The following PCM1 variants were observed in gnomAD, a reference collection of about 807,000 sequenced individuals.
PCM1 encodes pericentriolar material 1 protein.
A neutral mutation model predicts 241.9 loss-of-function variants in PCM1; 157 were observed. The ratio of observed to expected loss-of-function variants is 0.65; its 90% CI spans 0.57 to 0.74. The LOEUF is 0.74. PCM1 is among the 30% of genes least tolerant of loss of function. The pLI is 0.00. For synonymous variants in PCM1, 1,085 were observed against 784.9 expected (o/e 1.38, Z -6.39); for missense variants, 3,478 against 2,360.1 (o/e 1.47, Z -9.81).
Position 17,953,032 on chromosome 8 carries a change from C to T in PCM1, c.1134C>T (p.Ser378=). 1 of 1,608,366 alleles carries T rather than the reference C, an allele frequency of 6.2e-7. No individual in the cohort carries two copies. The highest frequency in any genetic ancestry group is 8.5e-7 in the Non-Finnish European group (1 of 1,177,166). ...GTCTTTCATTAACTAGGGAGGTTTC[C>T]CAGAGCAGGAAACCATCAGCTTCAG... ...AESLSLTREV[S]QSRKPSASER... Residue 378 remains serine, a synonymous_variant, in exon 9 of 39, where the codon TCC becomes TCT. Coordinates refer to ENST00000325083, the MANE Select transcript of PCM1 (RefSeq NM_006197.4).
chr8:17,951,727 G>A (rs931702922), intron 8 of PCM1, among the ~76,000 whole-genome samples: 12 of 152,178 alleles, frequency 7.9e-5, no homozygotes, highest in African/African-American at 2.9e-4. Flanking sequence ...CTGATTCCAG[G>A]TTGGGGTTAC....
Position 17,966,200 on chromosome 8 carries a change from T to C in PCM1, c.3057T>C (p.Thr1019=). 6.2e-7 allele frequency: 1 copy of C among 1,613,678 alleles called. No homozygotes were observed. Among genetic ancestry groups the C allele is most frequent in the South Asian group, 1.1e-5 (1 of 91,020 alleles). The part of the protein sequence containing the change: ...QLDFSVSICQ[T]LMQDQQTLSC... ...ATTTTAGTGTCAGTATTTGTCAGAC[T>C]TTGATGCAAGACCAGCAGGTAAAAT... The change falls in exon 19 of 39, where the codon ACT becomes ACC. Residue 1019 remains threonine, a synonymous_variant. Transcript: ENST00000325083.
chr8:17,951,307 C>T lies in PCM1; in HGVS notation c.1071+583C>T, dbSNP rs576834520. ...TTGGAAGTGAGTATGATTGAAGATG[C>T]AGTGTCTCTTGTCTTCTTGCTGACC... On this transcript the variant is annotated intron_variant, in intron 8 of 38. Coordinates refer to ENST00000325083, the MANE Select transcript of PCM1 (RefSeq NM_006197.4). Among the ~76,000 whole-genome samples the T allele has an allele frequency of 1.3e-4, 20 of 152,276 alleles. No individual in the cohort carries two copies. In the East Asian group the frequency reaches 3.9e-3, roughly 29 times the overall value.
intron 36 of PCM1, among the ~76,000 whole-genome samples, chr8:18,022,740 G>C (rs1266907272): frequency 1.3e-5 from 2 of 152,134 alleles, no homozygotes; most frequent in African/African-American, 4.8e-5. Flanking sequence ...ACACCAATTA[G>C]GGAGACTGCT....
At chr8:17,936,310 G>A (rs1319425249) in intron 3 of PCM1, among the ~76,000 whole-genome samples, 1 of 152,048 alleles carries the variant, frequency 6.6e-6, no homozygotes, top group Admixed American at 6.6e-5. Flanking sequence ...CTCATAGATT[G>A]GGTGGAAGGA....
rs758551746 is a variant in PCM1 at position 17,937,123 on chromosome 8, C to A, written c.97-11C>A. On this transcript the variant is annotated splice_polypyrimidine_tract_variant and intron_variant, in intron 3 of 38. Transcript: ENST00000325083. ...CAGGCCATGTTAATTTTTGCTTTTACTTTTTTAAAGGATTGGGGTGCCCAA... is the reference window on the plus strand; with the variant it reads ...CAGGCCATGTTAATTTTTGCTTTTAATTTTTTAAAGGATTGGGGTGCCCAA... The A allele has an allele frequency of 2.0e-6, 3 of 1,534,290 alleles. 1 individual carries two copies. In the Middle Eastern group the frequency reaches 5.1e-4, roughly 263 times the overall value.
At chr8:17,941,805 A>G (rs1179223864) in intron 6 of PCM1, among the ~76,000 whole-genome samples, 1 of 152,168 alleles carries the variant, frequency 6.6e-6, no homozygotes, top group African/African-American at 2.4e-5. Flanking sequence ...CTAATAGGAA[A>G]TATAGCCAAA....
intron 30 of PCM1, among the ~76,000 whole-genome samples, chr8:18,008,246 C>T (rs556524577): frequency 6.6e-6 from 1 of 152,194 alleles, no homozygotes; most frequent in African/African-American, 2.4e-5. Flanking sequence ...ATTAGATTCT[C>T]ATAGGAGTGT....
intron 27 of PCM1, among the ~76,000 whole-genome samples, 152 bp from the exon 28 acceptor site, chr8:17,991,390 T>C (rs1285123938): frequency 6.6e-6 from 1 of 152,194 alleles, no homozygotes; most frequent in African/African-American, 2.4e-5. Flanking sequence ...TGTGACAATG[T>C]ATATGAAGTG....
Position 18,011,413 on chromosome 8 carries a change from G to A in PCM1, c.5350+47G>A, listed in dbSNP as rs755695008. 2.2e-5 allele frequency: 31 copies of A among 1,435,074 alleles called. No individual in the cohort carries two copies. The African/African-American group carries it at 4.3e-4, about 20-fold the overall frequency. 88.9% of individuals were successfully genotyped at this position (1,435,074 alleles called of 1,614,324 possible). On this transcript the variant is annotated intron_variant, in intron 33 of 38. Transcript: ENST00000325083. ...TATCTTTATACTTTAGTTTTTTGTA[G>A]GTCATTTATTGGAACAGTTTGGTGG... is the stretch of plus-strand genomic sequence containing the variant.
At position 18,025,585 on chromosome 8, in the gene PCM1, C is replaced by T; in HGVS notation, c.5976C>T (p.Asn1992=). ...RKKMVEEEQK[N]HLSGEICEMQ... ...AAATGGTAGAAGAAGAACAGAAAAA[C>T]CATTTATCTGGTGAAATATGTGAAA... is the stretch of plus-strand genomic sequence containing the variant. Residue 1992 remains asparagine, a synonymous_variant, in exon 38 of 39, where the codon AAC becomes AAT. Coordinates refer to ENST00000325083, the MANE Select transcript of PCM1 (RefSeq NM_006197.4). The T allele has an allele frequency of 1.9e-6, 3 of 1,584,832 alleles. No individual in the cohort carries two copies. The highest frequency in any genetic ancestry group is 2.6e-6 in the Non-Finnish European group (3 of 1,165,328).
At position 17,934,977 on chromosome 8, in the gene PCM1, A is replaced by G. The variant is rs1045049987; in HGVS notation, c.-22-612A>G. ...TTTAGAGAAAGCACTAATACAAATT[A>G]AACTAGGGTAGTAAGCATCACTATT... is the stretch of plus-strand genomic sequence containing the variant. On this transcript the variant is annotated intron_variant, in intron 2 of 38. Transcript: ENST00000325083. 1.4e-4 allele frequency: 22 copies of G among 152,204 alleles called. 1 individual carries two copies. Among genetic ancestry groups the G allele is most frequent in the Admixed American group, 1.4e-3 (22 of 15,280 alleles). The allele number at this position is 152,204 out of a possible 1,614,324, so 9.4% of individuals were successfully genotyped here. A position where few individuals can be genotyped will look rare whatever the true frequency, so the allele number is the denominator to read the frequency against.
rs746096781 is a variant in PCM1 at position 17,960,309 on chromosome 8, T to A, written c.2193-6T>A. The A allele has an allele frequency of 2.5e-6, 4 of 1,594,110 alleles. No individual in the cohort carries two copies. The South Asian group carries it at 4.6e-5, about 18-fold the overall frequency. ...GTCCATAAATATAATGTCAATTTAA[T>A]TGTAGAGAGAAATTTTATGAGGCTA... On this transcript the variant is annotated splice_region_variant and splice_polypyrimidine_tract_variant and intron_variant, in intron 14 of 38. Transcript: ENST00000325083.
rs368933043 is a variant in PCM1 at position 17,977,047 on chromosome 8, A to G, written c.3944-3544A>G. 1.2e-4 allele frequency among the ~76,000 whole-genome samples: 18 copies of G among 152,332 alleles called. No individual in the cohort carries two copies. In the East Asian group the frequency reaches 1.9e-3, roughly 16 times the overall value. The stretch of plus-strand genomic sequence containing the variant: ...TTTTAATTTTGATTAAAATTTATTC[A>G]TCACTTTTCATGTGATACAGTAACA... On this transcript the variant is annotated intron_variant, in intron 23 of 38. Coordinates refer to ENST00000325083, the MANE Select transcript of PCM1 (RefSeq NM_006197.4).
At chr8:18,023,556 C>T (rs1005532789) in intron 36 of PCM1, among the ~76,000 whole-genome samples, 6 of 151,872 alleles carry the variant, frequency 4.0e-5, no homozygotes, top group South Asian at 2.1e-4. Context: ...TTGGGTGAAA[C>T]GTATTGTTTT....
intron 29 of PCM1, among the ~76,000 whole-genome samples, chr8:18,005,112 G>C (rs2129484036): frequency 6.6e-6 from 1 of 152,170 alleles, no homozygotes; most frequent in East Asian, 1.9e-4. Context: ...AATATTTGTT[G>C]TTGCCTCCAG....
At chr8:17,972,834 A>G (rs967258268) in intron 23 of PCM1, 147 bp downstream of exon 23, 3 of 395,326 alleles carry the variant, frequency 7.6e-6, no homozygotes, top group Non-Finnish European at 1.3e-5. Context: ...TTACCTTTAT[A>G]TATATAATTT....
rs957017964 is a variant in PCM1 at position 17,983,133 on chromosome 8, C to T, written c.4109-2314C>T. On this transcript the variant is annotated intron_variant, in intron 24 of 38. Coordinates refer to ENST00000325083, the MANE Select transcript of PCM1 (RefSeq NM_006197.4). The stretch of plus-strand genomic sequence containing the variant: ...TCAGGCAAACAATTTTAAAGAAATT[C>T]GCTTATTTCTTTTTTTCATTCACTT... 11 of 419,144 alleles carry T rather than the reference C, an allele frequency of 2.6e-5. 1 individual carries two copies. In the South Asian group the frequency reaches 2.8e-4, roughly 11 times the overall value. 26.0% of individuals were successfully genotyped at this position (419,144 alleles called of 1,614,324 possible).
chr8:17,966,956 GATTA>G lies in PCM1; in HGVS notation c.3222-23_3222-20del, dbSNP rs1235843098. 1 of 1,570,156 alleles carries G rather than the reference GATTA, an allele frequency of 6.4e-7. No individual in the cohort carries two copies. The highest frequency in any genetic ancestry group is 8.6e-7 in the Non-Finnish European group (1 of 1,158,432). ...TATATGGCAATATAACTGATTCTTA[GATTA>G]CTGACTTAAATCTTTGTAGGTTGAA... On this transcript the variant is annotated intron_variant, in intron 20 of 38. Coordinates refer to ENST00000325083, the MANE Select transcript of PCM1 (RefSeq NM_006197.4).
Sources: allele counts gnomAD v4.1 joint callset (sites outside exome capture counted in the v4.1 genomes callset), GRCh38; gene constraint gnomAD v4.1.1; transcripts MANE v1.5; gene names NCBI Gene and HGNC (gene_info 2026-07-23, HGNC 2026-07-21).